Variants in ASAP1 observed in about 807,000 individuals in gnomAD.
ASAP1 encodes the protein ArfGAP with SH3 domain, ankyrin repeat and PH domain 1.
In ASAP1, 43 loss-of-function variants were observed where a neutral mutation model predicts 145.2. The observed-to-expected ratio is 0.30, with a 90% CI of 0.23 to 0.38. The LOEUF is 0.38. Among genes scored for constraint, ASAP1 ranks in the 10% least tolerant of loss-of-function variants. ASAP1 has a pLI of 1.00. For missense variants in ASAP1, 1,018 were observed against 1,355.3 expected (o/e 0.75, Z 3.91); for synonymous variants, 546 against 515.5 (o/e 1.06, Z -0.80).
At chr8:130,165,310 T>TGG (rs2136059118) in intron 11 of ASAP1, among the ~76,000 whole-genome samples, 1 of 151,650 alleles carries the variant, frequency 6.6e-6, no homozygotes, top group East Asian at 1.9e-4. Flanking sequence ...AGGTAGGGAG[T>TGG]GGTTAAGTAC....
intron 3 of ASAP1, among the ~76,000 whole-genome samples, chr8:130,282,550 T>C (rs1821315895): frequency 6.6e-6 from 1 of 152,228 alleles, no homozygotes. Flanking sequence ...TGAATGTAAC[T>C]GCAAGCACTT....
At chr8:130,394,210 T>C (rs1322211761) in intron 2 of ASAP1, among the ~76,000 whole-genome samples, 1 of 152,216 alleles carries the variant, frequency 6.6e-6, no homozygotes, top group Non-Finnish European at 1.5e-5. Context: ...CATATTTCTC[T>C]TCTTTCAAAA....
rs146075346 is a variant in ASAP1, at chr8:130,360,236, C to A, written c.60-2093G>T. On this transcript the variant is annotated intron_variant, in intron 2 of 29. Coordinates refer to ENST00000518721, the MANE Select transcript of ASAP1 (RefSeq NM_018482.4). ...GAGTCGCTATAGTATAAAGAATCTG[C>A]AGAGAAGGCTTTGCTGACAAGGTGA... Among the ~76,000 whole-genome samples, 486 of 152,272 alleles carry A rather than the reference C, an allele frequency of 3.2e-3. 8 individuals are homozygous for A. Among genetic ancestry groups the A allele is most frequent in the African/African-American group, 0.011 (457 of 41,558 alleles).
intron 3 of ASAP1, among the ~76,000 whole-genome samples, chr8:130,334,551 A>G (rs1193997252): frequency 6.6e-6 from 1 of 152,244 alleles, no homozygotes; most frequent in African/African-American, 2.4e-5. Context: ...ATTATTCTAC[A>G]GTTCTTCACA....
intron 25 of ASAP1, among the ~76,000 whole-genome samples, chr8:130,091,539 G>A (rs533451712): frequency 6.6e-5 from 10 of 152,330 alleles, no homozygotes; most frequent in African/African-American, 2.4e-4. Flanking sequence ...GATATAGGGA[G>A]CTTGCATTTA....
intron 12 of ASAP1, among the ~76,000 whole-genome samples, chr8:130,156,572 G>A (rs2097658638): frequency 6.6e-6 from 1 of 152,228 alleles, no homozygotes; most frequent in African/African-American, 2.4e-5. Flanking sequence ...GAACGAAGAA[G>A]TCAAGGGGGT....
chr8:130,161,710 A>C (rs1439661650), intron 11 of ASAP1, among the ~76,000 whole-genome samples: 1 of 152,226 alleles, frequency 6.6e-6, no homozygotes, highest in Non-Finnish European at 1.5e-5. Context: ...TTAATTGGAC[A>C]ATATTAATCA....
chr8:130,377,576 T>C (rs1827564207), intron 2 of ASAP1, among the ~76,000 whole-genome samples: 1 of 152,104 alleles, frequency 6.6e-6, no homozygotes, highest in African/African-American at 2.4e-5. Flanking sequence ...GAGCCTATGG[T>C]CAATCAGAGT....
intron 8 of ASAP1, 108 bp downstream of exon 8, chr8:130,180,643 C>T: frequency 7.6e-7 from 1 of 1,315,610 alleles, no homozygotes; most frequent in Middle Eastern, 1.9e-4. Context: ...ACAGTTTCCT[C>T]TCTAATAATC....
Position 130,230,514 on chromosome 8 carries a change from C to A in ASAP1, c.259+6408G>T, listed in dbSNP as rs1426101. 6.1e-4 allele frequency among the ~76,000 whole-genome samples: 92 copies of A among 151,860 alleles called. 1 individual carries two copies. The South Asian group carries it at 0.016, about 26-fold the overall frequency. ...GTATATTCCCTTTGGGGGAAAAAAA[C>A]CCCTTCCTTGACCCTTCATTATTAA... On this transcript the variant is annotated intron_variant, in intron 4 of 29. Transcript: ENST00000518721.
chr8:130,319,031 G>C (rs867735106), intron 3 of ASAP1, among the ~76,000 whole-genome samples: 1 of 152,224 alleles, frequency 6.6e-6, no homozygotes, highest in Non-Finnish European at 1.5e-5. Flanking sequence ...GAACTTAAAA[G>C]CAGTCACTCC....
At chr8:130,364,636 T>C (rs1826867445) in intron 2 of ASAP1, among the ~76,000 whole-genome samples, 1 of 152,198 alleles carries the variant, frequency 6.6e-6, no homozygotes, top group Admixed American at 6.5e-5. Context: ...ACAAGCCCAA[T>C]TCAAATGCAA....
At chr8:130,272,786 G>T (rs1424824677) in intron 3 of ASAP1, among the ~76,000 whole-genome samples, 1 of 152,162 alleles carries the variant, frequency 6.6e-6, no homozygotes, top group Non-Finnish European at 1.5e-5. Flanking sequence ...CTCATATGTG[G>T]GAGCTAAAAA....
rs185573337 is a variant in ASAP1, at chr8:130,262,032, T to G, written c.187-25038A>C. ...TACAAACTATGAATACTTTTTTCAC[T>G]TGCTAACAACCAGCATATGAGGGAA... is the stretch of plus-strand genomic sequence containing the variant. On this transcript the variant is annotated intron_variant, in intron 3 of 29. Coordinates refer to ENST00000518721, the MANE Select transcript of ASAP1 (RefSeq NM_018482.4). Among the ~76,000 whole-genome samples the G allele has an allele frequency of 2.8e-3, 428 of 152,230 alleles. 4 individuals carry two copies. The Middle Eastern group carries it at 0.037, about 13-fold the overall frequency.
At chr8:130,379,971 G>T (rs555686451) in intron 2 of ASAP1, among the ~76,000 whole-genome samples, 6 of 152,284 alleles carry the variant, frequency 3.9e-5, no homozygotes, top group African/African-American at 1.4e-4. Flanking sequence ...GACTGGCCAG[G>T]ATCCCCCTGC....
intron 1 of ASAP1, among the ~76,000 whole-genome samples, chr8:130,430,709 G>A (rs1364736893): frequency 1.3e-5 from 2 of 152,168 alleles, no homozygotes; most frequent in African/African-American, 4.8e-5. Context: ...AGGAACTGTG[G>A]GATGGACAGA....
At chr8:130,425,794 C>T (rs1246034860) in intron 1 of ASAP1, among the ~76,000 whole-genome samples, 1 of 152,154 alleles carries the variant, frequency 6.6e-6, no homozygotes, top group Admixed American at 6.5e-5. Flanking sequence ...TGTTCTAAAG[C>T]GGCTGACAGA....
chr8:130,400,229 C>T (rs1035257048), intron 2 of ASAP1, among the ~76,000 whole-genome samples: 1 of 152,154 alleles, frequency 6.6e-6, no homozygotes, highest in African/African-American at 2.4e-5. Flanking sequence ...TCTTAGAAAC[C>T]CTGGCCCCAA....
At chr8:130,072,935 C>G (rs562870306) in intron 27 of ASAP1, among the ~76,000 whole-genome samples, 10 of 150,496 alleles carry the variant, frequency 6.6e-5, no homozygotes, top group Non-Finnish European at 1.5e-4. Context: ...CTGGTGTCTG[C>G]TGCTTGGTGT....
Sources: allele counts gnomAD v4.1 joint callset (sites outside exome capture counted in the v4.1 genomes callset), GRCh38; gene constraint gnomAD v4.1.1; transcripts MANE v1.5; gene names NCBI Gene and HGNC (gene_info 2026-07-23, HGNC 2026-07-21).